WIPI2: variants seen among roughly 807,000 people sequenced by gnomAD.
The protein encoded by WIPI2 is WD repeat domain, phosphoinositide interacting 2, also known as WD repeat domain phosphoinositide-interacting protein 2.
Under a neutral mutation model 52.3 loss-of-function variants are expected in WIPI2, and 28 were observed. That is an observed-to-expected ratio of 0.54 (90% CI 0.40 to 0.73). WIPI2 has a LOEUF of 0.73. WIPI2 is among the 30% of genes least tolerant of loss of function. WIPI2 has a pLI of 0.00. For missense variants in WIPI2, 506 were observed against 602.9 expected (o/e 0.84, Z 1.68); for synonymous variants, 268 against 245.0 (o/e 1.09, Z -0.88).
chr7:5,220,084 C>T (rs1013099460), intron 7 of WIPI2, among the ~76,000 whole-genome samples: 9 of 152,142 alleles, frequency 5.9e-5, no homozygotes, highest in African/African-American at 2.2e-4. Context: ...GATCTACAAA[C>T]CTCAGCCTCC....
chr7:5,223,865 G>T (rs1442421251), intron 8 of WIPI2, among the ~76,000 whole-genome samples: 1 of 152,210 alleles, frequency 6.6e-6, no homozygotes, highest in Non-Finnish European at 1.5e-5. Context: ...CCGCCTGAAT[G>T]GTGCCTCCAG....
chr7:5,199,605 A>G lies in WIPI2; in HGVS notation c.158A>G (p.Tyr53Cys). 1.2e-6 allele frequency: 2 copies of G among 1,613,460 alleles called. No homozygotes were observed. The highest frequency in any genetic ancestry group is 3.3e-5 in the Admixed American group (2 of 59,876). ...WSLAVGSKSG[Y>C]KFFSLSSVDK... Reference sequence around the variant, plus strand: ...CTAGCTGTTGGTAGTAAGTCCGGTTATAAATTTTTCTCCCTTTCTTCTGTG... The same window carrying G: ...CTAGCTGTTGGTAGTAAGTCCGGTTGTAAATTTTTCTCCCTTTCTTCTGTG... Residue 53 changes from tyrosine (Y) to cysteine (C), a missense_variant, in exon 3 of 13, where the codon TAT becomes TGT. Physicochemically the swap from Tyr to Cys is radical, Grantham distance 194. Transcript: ENST00000288828.
intron 3 of WIPI2, among the ~76,000 whole-genome samples, chr7:5,210,744 C>T (rs973632452): frequency 2.6e-5 from 4 of 152,206 alleles, no homozygotes; most frequent in African/African-American, 7.2e-5. Context: ...GTCTCTGGGA[C>T]GCTGGATTAG....
Position 5,217,777 on chromosome 7 carries a change from C to G in WIPI2, c.577-145C>G, listed in dbSNP as rs1184199781. The G allele has an allele frequency of 4.0e-6, 3 of 749,868 alleles. No individual in the cohort carries two copies. In the Middle Eastern group the frequency reaches 1.2e-3, roughly 298 times the overall value. The allele number at this position is 749,868 out of a possible 1,614,324, so 46.5% of individuals were successfully genotyped here. A position where few individuals can be genotyped will look rare whatever the true frequency, so the allele number is the denominator to read the frequency against. ...GCAGCATTTCCTTGGATGCCCAGCC[C>G]CAGTAAATCAAGTGGGTTTGGCATT... On this transcript the variant is annotated intron_variant, in intron 6 of 12. Coordinates refer to ENST00000288828, the MANE Select transcript of WIPI2 (RefSeq NM_015610.4).
At chr7:5,196,918 C>T (rs144857382) in intron 2 of WIPI2, among the ~76,000 whole-genome samples, 1 of 151,966 alleles carries the variant, frequency 6.6e-6, no homozygotes, top group Non-Finnish European at 1.5e-5. Flanking sequence ...TCAAGACCAG[C>T]CTGGCCAACA....
chr7:5,229,079 G>A (rs761918658), intron 11 of WIPI2, among the ~76,000 whole-genome samples: 12 of 151,864 alleles, frequency 7.9e-5, no homozygotes, highest in Admixed American at 3.9e-4. Flanking sequence ...ACAGTGGCGC[G>A]ATCTCGGCTC....
intron 3 of WIPI2, among the ~76,000 whole-genome samples, chr7:5,208,502 G>C (rs956584292): frequency 1.3e-5 from 2 of 151,776 alleles, no homozygotes; most frequent in Admixed American, 1.3e-4. Context: ...AGTCAGGAAG[G>C]TGTTTTCCTA....
chr7:5,196,800 GA>G (rs1379541388), intron 2 of WIPI2, among the ~76,000 whole-genome samples: 1 of 151,960 alleles, frequency 6.6e-6, no homozygotes, highest in Non-Finnish European at 1.5e-5. Context: ...ACAAGAGATG[GA>G]AAAATATTTT....
At chr7:5,191,589 A>C (rs1168401445) in intron 1 of WIPI2, among the ~76,000 whole-genome samples, 2 of 152,102 alleles carry the variant, frequency 1.3e-5, no homozygotes, top group Non-Finnish European at 2.9e-5. Flanking sequence ...GGGGATGGTT[A>C]ATAGATGAGC....
intron 7 of WIPI2, chr7:5,219,172 G>A (rs1562401553): frequency 6.6e-6 from 1 of 152,184 alleles, no homozygotes; most frequent in Non-Finnish European, 1.5e-5. Flanking sequence ...CCTCAGCAAG[G>A]TAAACAGTTC....
intron 3 of WIPI2, among the ~76,000 whole-genome samples, chr7:5,209,013 A>ATTTTT (rs55697377): frequency 5.4e-5 from 5 of 92,876 alleles, no homozygotes; most frequent in Admixed American, 1.2e-4. Context: ...ATATTCTGTG[A>ATTTTT]TTTTTTTTTT....
At chr7:5,224,234 A>G (rs1783304986) in intron 8 of WIPI2, among the ~76,000 whole-genome samples, 1 of 152,232 alleles carries the variant, frequency 6.6e-6, no homozygotes, top group Admixed American at 6.5e-5. Context: ...GTGAGCTGGC[A>G]GATCTGGTGG....
At chr7:5,216,728 A>G in intron 5 of WIPI2, 69 bp downstream of exon 5, 4 of 1,488,490 alleles carry the variant, frequency 2.7e-6, no homozygotes, top group Non-Finnish European at 3.7e-6. Flanking sequence ...TATAGGTGAG[A>G]GAGATTTTTT....
At chr7:5,212,936 A>G (rs1782628215) in intron 3 of WIPI2, among the ~76,000 whole-genome samples, 1 of 152,190 alleles carries the variant, frequency 6.6e-6, no homozygotes, top group African/African-American at 2.4e-5. Flanking sequence ...CTTTAGAGAA[A>G]TTATTTTTAC....
chr7:5,221,250 C>G (rs895919894), intron 7 of WIPI2, among the ~76,000 whole-genome samples: 2 of 151,926 alleles, frequency 1.3e-5, no homozygotes, highest in Admixed American at 6.6e-5. Context: ...CGTGAGTCAC[C>G]GCACCTGGCC....
intron 3 of WIPI2, among the ~76,000 whole-genome samples, chr7:5,211,714 A>G (rs930562469): frequency 6.6e-6 from 1 of 152,214 alleles, no homozygotes; most frequent in Non-Finnish European, 1.5e-5. Context: ...AGTTTTGTGT[A>G]TACCAGGTTT....
chr7:5,220,746 G>A lies in WIPI2; in HGVS notation c.670-1856G>A, dbSNP rs568578067. ...CTGTCTTGGCCTCCCCAAGTGCTGGGATTACAGGCATGAGTTACTGCATTC... is the reference window on the plus strand; with the variant it reads ...CTGTCTTGGCCTCCCCAAGTGCTGGAATTACAGGCATGAGTTACTGCATTC... On this transcript the variant is annotated intron_variant, in intron 7 of 12. Coordinates refer to ENST00000288828, the MANE Select transcript of WIPI2 (RefSeq NM_015610.4). 5.9e-5 allele frequency among the ~76,000 whole-genome samples: 9 copies of A among 152,040 alleles called. 2 individuals are homozygous for A. Among genetic ancestry groups the A allele is most frequent in the African/African-American group, 2.2e-4 (9 of 41,476 alleles).
chr7:5,217,303 T>A (rs761053175), intron 6 of WIPI2, 116 bp downstream of exon 6: 1 of 1,000,560 alleles, frequency 1.0e-6, no homozygotes, highest in South Asian at 1.4e-5. Flanking sequence ...CTGCACTTTT[T>A]TGTTTGTTTG....
intron 1 of WIPI2, 175 bp downstream of exon 1, chr7:5,190,668 G>C (rs559002223): frequency 1.3e-4 from 65 of 515,048 alleles, no homozygotes; most frequent in African/African-American, 1.2e-3. Flanking sequence ...GCGCCCTCCA[G>C]GGAGACCCTC....
Sources: allele counts gnomAD v4.1 joint callset (sites outside exome capture counted in the v4.1 genomes callset), GRCh38; gene constraint gnomAD v4.1.1; transcripts MANE v1.5; gene names NCBI Gene and HGNC (gene_info 2026-07-23, HGNC 2026-07-21).